The following ASTN2 variants were observed in gnomAD, a reference collection of about 807,000 sequenced individuals.
ASTN2 encodes astrotactin-2.
In ASTN2, 54 loss-of-function variants were observed where a neutral mutation model predicts 139.8. That is an observed-to-expected ratio of 0.39 (90% CI 0.31 to 0.48). ASTN2 has a LOEUF of 0.48. ASTN2 is among the 20% of genes least tolerant of loss of function. The probability of loss-of-function intolerance (pLI) is 0.95; values close to 1 mark genes in which losing one functional copy is unlikely to be tolerated. For missense variants in ASTN2, 1,565 were observed against 1,725.1 expected (o/e 0.91, Z 1.64); for synonymous variants, 756 against 719.5 (o/e 1.05, Z -0.81).
At chr9:116,907,024 C>T (rs146633126) in intron 10 of ASTN2, among the ~76,000 whole-genome samples, 77 of 152,280 alleles carry the variant, frequency 5.1e-4, no homozygotes, top group African/African-American at 1.8e-3. Context: ...ATCTTTACTA[C>T]GAGCATTGCA....
intron 4 of ASTN2, among the ~76,000 whole-genome samples, chr9:117,104,378 TA>T (rs1012026686): frequency 2.6e-5 from 4 of 152,016 alleles, no homozygotes; most frequent in Non-Finnish European, 5.9e-5. Context: ...TACTTTTGGG[TA>T]AAAAAATATG....
chr9:116,920,315 T>A (rs73527983), intron 10 of ASTN2, among the ~76,000 whole-genome samples: 4,998 of 152,192 alleles, frequency 0.033, 261 homozygotes, highest in African/African-American at 0.11. Flanking sequence ...CCTAAATAAT[T>A]TTAGTGGCTT....
chr9:116,835,977 T>C (rs1245846220), intron 11 of ASTN2, among the ~76,000 whole-genome samples: 1 of 152,124 alleles, frequency 6.6e-6, no homozygotes, highest in African/African-American at 2.4e-5. Context: ...CTATTTTCTC[T>C]GGCTTCTACT....
At chr9:116,930,938 T>A (rs1184846063) in intron 10 of ASTN2, among the ~76,000 whole-genome samples, 1 of 151,990 alleles carries the variant, frequency 6.6e-6, no homozygotes, top group Non-Finnish European at 1.5e-5. Flanking sequence ...TTTTTCCTCC[T>A]CCAGGCCCAG....
At chr9:116,825,439 C>T (rs1831599806) in intron 11 of ASTN2, among the ~76,000 whole-genome samples, 1 of 152,172 alleles carries the variant, frequency 6.6e-6, no homozygotes. Context: ...AAAAGAAAAA[C>T]TAGCCTAGTT....
intron 1 of ASTN2, among the ~76,000 whole-genome samples, chr9:117,337,779 G>T (rs935382305): frequency 6.6e-6 from 1 of 152,132 alleles, no homozygotes; most frequent in African/African-American, 2.4e-5. Context: ...GGCACAATGA[G>T]TGAGCTCATA....
At chr9:117,066,598 A>T (rs1827951921) in intron 5 of ASTN2, among the ~76,000 whole-genome samples, 1 of 150,834 alleles carries the variant, frequency 6.6e-6, no homozygotes, top group African/African-American at 2.4e-5. Flanking sequence ...TGCCACACTG[A>T]CTTCCACAAT....
intron 3 of ASTN2, among the ~76,000 whole-genome samples, chr9:117,188,902 G>C (rs950789017): frequency 2.0e-5 from 3 of 152,104 alleles, no homozygotes; most frequent in Non-Finnish European, 4.4e-5. Flanking sequence ...CTCTAACCAT[G>C]CTCAGTGGGC....
At chr9:117,130,575 A>G (rs1479919955) in intron 4 of ASTN2, among the ~76,000 whole-genome samples, 3 of 151,824 alleles carry the variant, frequency 2.0e-5, no homozygotes, top group African/African-American at 7.3e-5. Flanking sequence ...TCCTTTCTTT[A>G]CTTTTGGGAT....
At chr9:116,534,209 C>G (rs566264791) in intron 19 of ASTN2, among the ~76,000 whole-genome samples, 2 of 152,150 alleles carry the variant, frequency 1.3e-5, no homozygotes, top group East Asian at 3.9e-4. Flanking sequence ...GTGGTGATAT[C>G]CCCTTTATCA....
intron 1 of ASTN2, among the ~76,000 whole-genome samples, chr9:117,396,315 T>G (rs772502628): frequency 6.6e-6 from 1 of 152,296 alleles, no homozygotes; most frequent in South Asian, 2.1e-4. Context: ...CTGCGTTTCA[T>G]GTTATCTCTG....
chr9:117,367,840 C>G (rs1829886411), intron 1 of ASTN2, among the ~76,000 whole-genome samples: 1 of 152,114 alleles, frequency 6.6e-6, no homozygotes, highest in Non-Finnish European at 1.5e-5. Context: ...ATCATAGAAA[C>G]CTGGAGGAAG....
intron 16 of ASTN2, among the ~76,000 whole-genome samples, chr9:116,708,978 A>G (rs1173444077): frequency 1.3e-5 from 2 of 152,200 alleles, no homozygotes; most frequent in Non-Finnish European, 1.5e-5. Flanking sequence ...TAAGTTGCCC[A>G]CAGGCATCTT....
chr9:116,764,158 C>T (rs1039540373), intron 13 of ASTN2, among the ~76,000 whole-genome samples: 13 of 152,174 alleles, frequency 8.5e-5, no homozygotes, highest in Admixed American at 1.3e-4. Context: ...TGTGATGCTC[C>T]GGCCAGGTTC....
chr9:117,196,756 GA>G (rs879718557), intron 3 of ASTN2, among the ~76,000 whole-genome samples: 3 of 152,074 alleles, frequency 2.0e-5, no homozygotes, highest in Non-Finnish European at 4.4e-5. Context: ...TTAACTGAGG[GA>G]AAAAAACAAA....
intron 19 of ASTN2, among the ~76,000 whole-genome samples, chr9:116,574,050 G>A (rs1244341768): frequency 1.3e-5 from 2 of 152,212 alleles, no homozygotes; most frequent in African/African-American, 4.8e-5. Context: ...CCCAGGGGAA[G>A]TGAATTTTAG....
chr9:116,802,602 C>A (rs960881956), intron 13 of ASTN2, among the ~76,000 whole-genome samples: 1 of 152,226 alleles, frequency 6.6e-6, no homozygotes, highest in Non-Finnish European at 1.5e-5. Context: ...ACCAAGCTAT[C>A]CTTCACACAA....
intron 2 of ASTN2, among the ~76,000 whole-genome samples, chr9:117,245,398 T>C (rs1421105477): frequency 2.0e-5 from 3 of 152,212 alleles, no homozygotes; most frequent in Non-Finnish European, 4.4e-5. Flanking sequence ...AATCTTCAAG[T>C]GGCGGGAGGC....
chr9:117,074,945 A>G (rs890345312), intron 5 of ASTN2, among the ~76,000 whole-genome samples: 3 of 152,170 alleles, frequency 2.0e-5, no homozygotes, highest in African/African-American at 7.2e-5. Flanking sequence ...CATGATCTAC[A>G]CCGAGGTCTG....
Sources: allele counts gnomAD v4.1 joint callset (sites outside exome capture counted in the v4.1 genomes callset), GRCh38; gene constraint gnomAD v4.1.1; transcripts MANE v1.5; gene names NCBI Gene and HGNC (gene_info 2026-07-23, HGNC 2026-07-21).